The following PRKAG2 variants were observed in gnomAD, a reference collection of about 807,000 sequenced individuals.
The protein encoded by PRKAG2 is 5'-AMP-activated protein kinase subunit gamma-2.
Under a neutral mutation model 69.6 loss-of-function variants are expected in PRKAG2, and 26 were observed. That is an observed-to-expected ratio of 0.37 (90% confidence interval 0.27 to 0.52). The LOEUF is 0.52. Among genes scored for constraint, PRKAG2 ranks in the 20% least tolerant of loss-of-function variants. PRKAG2 has a pLI of 0.90. For missense variants in PRKAG2, 557 were observed against 740.0 expected (o/e 0.75, Z 2.87); for synonymous variants, 293 against 285.0 (o/e 1.03, Z -0.28).
At chr7:151,581,508 G>T (rs1810466120) in intron 6 of PRKAG2, among the ~76,000 whole-genome samples, 2 of 152,068 alleles carry the variant, frequency 1.3e-5, no homozygotes, top group South Asian at 4.1e-4. Context: ...AGAGACTATT[G>T]TATCCAGCTT....
chr7:151,836,354 G>C lies in PRKAG2; in HGVS notation c.114+40153C>G, dbSNP rs1170078581. ...GTCCACAGGCTGGATTCTCAAGAGG[G>C]GCGAGAGAATGGGGTGGTGGCTGCC... On this transcript the variant is annotated intron_variant, in intron 1 of 15. Transcript: ENST00000287878. This position sits in a 1 kb window ranked among gnomAD's most constrained non-coding sequence, Gnocchi z 4.1. Among the ~76,000 whole-genome samples the C allele has an allele frequency of 6.6e-6, 1 of 152,160 alleles. No individual in the cohort carries two copies. Among genetic ancestry groups the C allele is most frequent in the Non-Finnish European group, 1.5e-5 (1 of 68,018 alleles).
chr7:151,823,086 C>T (rs1417433543), intron 1 of PRKAG2, among the ~76,000 whole-genome samples: 1 of 147,560 alleles, frequency 6.8e-6, no homozygotes, highest in African/African-American at 2.5e-5. Flanking sequence ...TGCTCCCTGA[C>T]CCCTGGCTTG....
At chr7:151,636,059 G>A (rs1317908936) in intron 4 of PRKAG2, among the ~76,000 whole-genome samples, 1 of 151,694 alleles carries the variant, frequency 6.6e-6, no homozygotes, top group Non-Finnish European at 1.5e-5. Flanking sequence ...CACCGTGTTA[G>A]CCAAGATGGT....
At chr7:151,627,266 C>G (rs1341300325) in intron 5 of PRKAG2, among the ~76,000 whole-genome samples, 1 of 152,122 alleles carries the variant, frequency 6.6e-6, no homozygotes, top group African/African-American at 2.4e-5. Flanking sequence ...TTCCCTCCTA[C>G]GAAAAGTGGC....
At position 151,632,044 on chromosome 7, in the gene PRKAG2, C is replaced by T. The variant is rs1563304843; in HGVS notation, c.754+25G>A. 2 of 1,343,120 alleles carry T rather than the reference C, an allele frequency of 1.5e-6. No individual in the cohort carries two copies. Among genetic ancestry groups the T allele is most frequent in the Admixed American group, 2.5e-5 (1 of 40,136 alleles). The allele number at this position is 1,343,120 out of a possible 1,614,324, so 83.2% of individuals were successfully genotyped here. ...GCGGCCGGGCCGTGGGAGCGCCGGG[C>T]CGGCAGCGGGCGGGGCGCACTCACC... On this transcript the variant is annotated intron_variant, in intron 5 of 15. Coordinates refer to ENST00000287878, the MANE Select transcript of PRKAG2 (RefSeq NM_016203.4). The surrounding 1 kb of genome is among the most constrained non-coding windows in gnomAD (Gnocchi z 4.2).
At chr7:151,868,109 C>T (rs958051181) in intron 1 of PRKAG2, among the ~76,000 whole-genome samples, 3 of 152,236 alleles carry the variant, frequency 2.0e-5, no homozygotes, top group Non-Finnish European at 4.4e-5. Context: ...GAGGCCCTGG[C>T]AGACGCCCCA....
chr7:151,789,427 C>T (rs1264829615), intron 1 of PRKAG2, among the ~76,000 whole-genome samples: 2 of 152,188 alleles, frequency 1.3e-5, no homozygotes, highest in Non-Finnish European at 2.9e-5. Flanking sequence ...GGCCTACACC[C>T]ACTCTCACCC....
At chr7:151,724,345 C>A (rs1462814119) in intron 3 of PRKAG2, among the ~76,000 whole-genome samples, 1 of 152,314 alleles carries the variant, frequency 6.6e-6, no homozygotes, top group East Asian at 1.9e-4. Context: ...CAGCTCCCAG[C>A]CCCTTTGTCA....
intron 4 of PRKAG2, among the ~76,000 whole-genome samples, chr7:151,667,618 C>G (rs920546862): frequency 1.3e-5 from 2 of 152,216 alleles, no homozygotes; most frequent in African/African-American, 4.8e-5. Context: ...ACAGATTCTA[C>G]CTTGGATAGG....
In PRKAG2 at chr7:151,635,231, G is replaced by A. The variant is rs145074492; in HGVS notation, c.685-3093C>T. Among the ~76,000 whole-genome samples the A allele has an allele frequency of 8.6e-3, 1,314 of 152,236 alleles. 22 individuals are homozygous for A. Among genetic ancestry groups the A allele is most frequent in the African/African-American group, 0.03 (1,256 of 41,518 alleles). ...CTCCCAAAGTGCTGGGATTACAGGCGTGAGCCACTGTGCCTGGTCAGGAAC... is the reference window on the plus strand; with the variant it reads ...CTCCCAAAGTGCTGGGATTACAGGCATGAGCCACTGTGCCTGGTCAGGAAC... On this transcript the variant is annotated intron_variant, in intron 4 of 15. Coordinates refer to ENST00000287878, the MANE Select transcript of PRKAG2 (RefSeq NM_016203.4).
chr7:151,791,998 G>A (rs1179672537), intron 1 of PRKAG2, among the ~76,000 whole-genome samples: 1 of 152,280 alleles, frequency 6.6e-6, no homozygotes, highest in Non-Finnish European at 1.5e-5. Context: ...GAATCAGACA[G>A]TAGCAAGCAT....
At chr7:151,569,633 T>G (rs1261704553) in intron 10 of PRKAG2, among the ~76,000 whole-genome samples, 1 of 152,250 alleles carries the variant, frequency 6.6e-6, no homozygotes, top group Non-Finnish European at 1.5e-5. Context: ...TATTTTAATC[T>G]TTCTCTGTAC....
rs1375922839 is a variant in PRKAG2, at chr7:151,675,421, G to A, written c.683C>T (p.Ala228Val). The A allele has an allele frequency of 6.2e-7, 1 of 1,613,782 alleles. No individual in the cohort carries two copies. The highest frequency in any genetic ancestry group is 2.2e-5 in the East Asian group (1 of 44,870). The change falls in exon 4 of 16, where the codon GCC (alanine) becomes GTC (valine). Residue 228 changes from alanine to valine, a missense_variant and splice_region_variant. By Grantham distance (64) the Ala-to-Val change is moderately conservative. Transcript: ENST00000287878. ...ASPTHYAPSKAAALAAALGPA... is the reference protein window; with the variant it reads ...ASPTHYAPSKVAALAAALGPA... ...ACCCACAGAAGGGCCCAGACTTACG[G>A]CTTTGGAGGGAGCATAGTGTGTCGG...
intron 3 of PRKAG2, among the ~76,000 whole-genome samples, chr7:151,703,910 A>ACACACACACACAC (rs1563476684): frequency 8.1e-5 from 11 of 135,064 alleles, no homozygotes; most frequent in South Asian, 2.3e-4. Flanking sequence ...ACACACACAC[A>ACACACACACACAC]AATTAGCTAG....
In PRKAG2 at chr7:151,614,552, C is replaced by T. The variant is rs1386665367; in HGVS notation, c.754+17517G>A. Among the ~76,000 whole-genome samples the T allele has an allele frequency of 5.3e-5, 8 of 152,140 alleles. No individual in the cohort carries two copies. Among genetic ancestry groups the T allele is most frequent in the Admixed American group, 3.3e-4 (5 of 15,274 alleles). On this transcript the variant is annotated intron_variant, in intron 5 of 15. Coordinates refer to ENST00000287878, the MANE Select transcript of PRKAG2 (RefSeq NM_016203.4). The surrounding 1 kb of genome is among the most constrained non-coding windows in gnomAD (Gnocchi z 4.4). ...TGACTCTCCGTCCCATCCCTGCGTG[C>T]TCTCCTTCACCTCCGCCCCTCACCA...
Position 151,686,805 on chromosome 7 carries a change from C to T in PRKAG2, c.467-11168G>A, listed in dbSNP as rs191763855. 1.5e-3 allele frequency among the ~76,000 whole-genome samples: 221 copies of T among 152,262 alleles called. 2 individuals carry two copies. Among genetic ancestry groups the T allele is most frequent in the Middle Eastern group, 3.4e-3 (1 of 294 alleles). ...GAGTAAGGTTTCAGGCTGCAGATTT[C>T]GGTTCTAGGCTCTAAGAATCTGTTT... On this transcript the variant is annotated intron_variant, in intron 3 of 15. Coordinates refer to ENST00000287878, the MANE Select transcript of PRKAG2 (RefSeq NM_016203.4).
chr7:151,612,620 G>T (rs564801883), intron 5 of PRKAG2, among the ~76,000 whole-genome samples: 5 of 152,340 alleles, frequency 3.3e-5, no homozygotes, highest in African/African-American at 9.6e-5. Context: ...CTCCAACTCT[G>T]TGCACTGCCT....
At chr7:151,572,227 C>T (rs940915802) in intron 9 of PRKAG2, among the ~76,000 whole-genome samples, 1 of 149,630 alleles carries the variant, frequency 6.7e-6, no homozygotes, top group Non-Finnish European at 1.5e-5. Context: ...CTAAGTTTCT[C>T]CACAATTTGT....
chr7:151,682,876 G>A (rs1222940766), intron 3 of PRKAG2, among the ~76,000 whole-genome samples: 1 of 152,184 alleles, frequency 6.6e-6, no homozygotes, highest in Admixed American at 6.5e-5. Flanking sequence ...CCCGATCCTG[G>A]AGGAGGACAC....
Sources: gnomAD v4.1 joint callset for allele counts (sites outside exome capture counted in the v4.1 genomes callset) on GRCh38, gnomAD v4.1.1 for gene constraint, Gnocchi (gnomAD v3.1) non-coding constraint, MANE v1.5 for transcripts, NCBI Gene and HGNC (gene_info 2026-07-23, HGNC 2026-07-21) for gene names.